The following MGAT4C variants were observed in gnomAD, a reference collection of about 807,000 sequenced individuals.
MGAT4C encodes the protein MGAT4 family member C.
Under a neutral mutation model 40.1 loss-of-function variants are expected in MGAT4C, and 19 were observed. That is an observed-to-expected ratio of 0.47 (90% CI 0.33 to 0.70). The LOEUF is 0.70. Ranked by LOEUF, MGAT4C falls within the 30% of genes least tolerant of loss-of-function variation. The pLI is 0.02. For synonymous variants in MGAT4C, 181 were observed against 187.1 expected (o/e 0.97, Z 0.27); for missense variants, 491 against 563.2 (o/e 0.87, Z 1.30).
chr12:86,316,079 C>CAAAAAAAAAAAAA (rs71076185), intron 4 of MGAT4C, among the ~76,000 whole-genome samples: 2 of 34,060 alleles, frequency 5.9e-5, no homozygotes, highest in Admixed American at 5.5e-4. Flanking sequence ...ATACAAGCAG[C>CAAAAAAAAAAAAA]AAAAAAAAAA....
intron 1 of MGAT4C, among the ~76,000 whole-genome samples, chr12:86,152,931 A>G (rs949542666): frequency 6.6e-6 from 1 of 152,056 alleles, no homozygotes; most frequent in African/African-American, 2.4e-5. Context: ...CCGTGGGTCT[A>G]TCTGTGCTTT....
intron 3 of MGAT4C, among the ~76,000 whole-genome samples, chr12:86,399,132 G>A (rs557355328): frequency 7.6e-4 from 116 of 151,794 alleles, no homozygotes; most frequent in Non-Finnish European, 1.4e-3. Flanking sequence ...CACCGTGCCC[G>A]GCTAATTTTT....
intron 2 of MGAT4C, among the ~76,000 whole-genome samples, chr12:86,598,406 A>G (rs143264667): frequency 6.6e-6 from 1 of 152,238 alleles, no homozygotes; most frequent in Non-Finnish European, 1.5e-5. Flanking sequence ...ACATTTAAGT[A>G]TATAATAATA....
At chr12:85,996,104 C>T (rs1886596895) in intron 2 of MGAT4C, among the ~76,000 whole-genome samples, 1 of 151,834 alleles carries the variant, frequency 6.6e-6, no homozygotes, top group African/African-American at 2.4e-5. Context: ...CAAAAATTAC[C>T]ATTTAAATCA....
intron 2 of MGAT4C, among the ~76,000 whole-genome samples, chr12:86,030,024 C>A (rs73187681): frequency 0.04 from 6,053 of 151,766 alleles, 175 homozygotes; most frequent in Middle Eastern, 0.11. Flanking sequence ...AAAATTACAT[C>A]AAACACATTT....
intron 1 of MGAT4C, among the ~76,000 whole-genome samples, chr12:86,099,046 A>G (rs1874449215): frequency 6.6e-6 from 1 of 151,474 alleles, no homozygotes; most frequent in Non-Finnish European, 1.5e-5. Flanking sequence ...AAATTGTATT[A>G]TAATTCATTT....
intron 2 of MGAT4C, among the ~76,000 whole-genome samples, chr12:86,500,360 G>C (rs1250087151): frequency 6.6e-6 from 1 of 151,302 alleles, no homozygotes; most frequent in Non-Finnish European, 1.5e-5. Flanking sequence ...AGAGAGAGAG[G>C]AGAGAGCAAA....
At chr12:86,028,100 A>G in intron 2 of MGAT4C, 1 of 1,283,332 alleles carries the variant, frequency 7.8e-7, no homozygotes, top group South Asian at 1.2e-5. Context: ...TTTCTAAATA[A>G]TACCTTGCAT....
intron 1 of MGAT4C, among the ~76,000 whole-genome samples, chr12:86,776,031 A>G (rs1951743077): frequency 6.6e-6 from 1 of 151,998 alleles, no homozygotes; most frequent in African/African-American, 2.4e-5. Flanking sequence ...AAAATCAATG[A>G]CGTTTCTGTT....
chr12:86,799,308 G>T (rs1952184174), intron 1 of MGAT4C, among the ~76,000 whole-genome samples: 1 of 151,508 alleles, frequency 6.6e-6, no homozygotes, highest in Non-Finnish European at 1.5e-5. Flanking sequence ...AATTTCTCTG[G>T]TTTTCTATTT....
At chr12:86,289,045 G>A (rs1195643712) in intron 4 of MGAT4C, among the ~76,000 whole-genome samples, 5 of 152,080 alleles carry the variant, frequency 3.3e-5, no homozygotes, top group Non-Finnish European at 7.4e-5. Flanking sequence ...ATAGTTTTGG[G>A]TTTTGTATTG....
chr12:86,511,596 C>T (rs1257501932), intron 2 of MGAT4C, among the ~76,000 whole-genome samples: 1 of 151,938 alleles, frequency 6.6e-6, no homozygotes, highest in Non-Finnish European at 1.5e-5. Flanking sequence ...GAAATAAATC[C>T]ACAAATATAC....
At chr12:86,827,994 C>T (rs1406772755) in intron 1 of MGAT4C, among the ~76,000 whole-genome samples, 2 of 151,058 alleles carry the variant, frequency 1.3e-5, no homozygotes, top group Non-Finnish European at 3.0e-5. Context: ...GAAATATATA[C>T]CCATTTTTTT....
At chr12:86,776,012 T>A (rs1263476697) in intron 1 of MGAT4C, among the ~76,000 whole-genome samples, 1 of 152,000 alleles carries the variant, frequency 6.6e-6, no homozygotes, top group African/African-American at 2.4e-5. Context: ...ATTTCAGAAA[T>A]TTGCATATAA....
intron 2 of MGAT4C, among the ~76,000 whole-genome samples, chr12:86,682,925 T>C (rs1271758797): frequency 9.9e-5 from 15 of 152,236 alleles, no homozygotes. Context: ...ATTGTTTTTA[T>C]CTATTTCCCT....
intron 2 of MGAT4C, among the ~76,000 whole-genome samples, chr12:86,540,806 A>G (rs375035621): frequency 6.6e-6 from 1 of 152,166 alleles, no homozygotes; most frequent in Non-Finnish European, 1.5e-5. Context: ...GGGAATTCAT[A>G]TTTTTAAATT....
At chr12:86,469,623 T>C (rs1241439974) in intron 2 of MGAT4C, among the ~76,000 whole-genome samples, 4 of 152,042 alleles carry the variant, frequency 2.6e-5, no homozygotes, top group Admixed American at 6.6e-5. Context: ...GGTTTTTTTT[T>C]CCCCTGAAAG....
chr12:86,613,498 C>A (rs748152177), intron 2 of MGAT4C, among the ~76,000 whole-genome samples: 1 of 152,086 alleles, frequency 6.6e-6, no homozygotes, highest in Admixed American at 6.6e-5. Flanking sequence ...GGCAAAATAT[C>A]CACTTTCTAC....
At chr12:85,984,769 T>G (rs551533536) in intron 3 of MGAT4C, among the ~76,000 whole-genome samples, 1 of 152,082 alleles carries the variant, frequency 6.6e-6, no homozygotes, top group African/African-American at 2.4e-5. Context: ...ACTATGTGGT[T>G]TTATTTATTT....
Sources: allele counts gnomAD v4.1 joint callset (sites outside exome capture counted in the v4.1 genomes callset), GRCh38; gene constraint gnomAD v4.1.1; transcripts MANE v1.5; gene names NCBI Gene and HGNC (gene_info 2026-07-23, HGNC 2026-07-21).